Variants in TAFA2 observed in about 807,000 individuals in gnomAD.
The protein encoded by TAFA2 is TAFA chemokine like family member 2, also known as chemokine-like protein TAFA-2.
A neutral mutation model predicts 18.8 loss-of-function variants in TAFA2; 7 were observed. The ratio of observed to expected loss-of-function variants is 0.37; its 90% confidence interval spans 0.21 to 0.70. The LOEUF (loss-of-function observed/expected upper bound fraction) is 0.70, where lower values mean the gene tolerates loss of function less well. TAFA2 is among the 30% of genes least tolerant of loss of function. The pLI is 0.53. For missense variants in TAFA2, 122 were observed against 158.1 expected (o/e 0.77, Z 1.23); for synonymous variants, 60 against 54.2 (o/e 1.11, Z -0.47).
At chr12:62,178,117 T>A (rs1013384968) in intron 1 of TAFA2, among the ~76,000 whole-genome samples, 19 of 151,950 alleles carry the variant, frequency 1.3e-4, no homozygotes, top group Non-Finnish European at 2.6e-4. Context: ...CTGGGCAACA[T>A]AACAAGACCC....
At chr12:61,769,577 A>C (rs1184756746) in intron 2 of TAFA2, among the ~76,000 whole-genome samples, 1 of 151,744 alleles carries the variant, frequency 6.6e-6, no homozygotes, top group East Asian at 2.0e-4. Flanking sequence ...CTTTGAAGAC[A>C]CCCCCCAGTA....
chr12:62,164,495 T>C (rs2062426357), intron 1 of TAFA2, among the ~76,000 whole-genome samples: 1 of 152,158 alleles, frequency 6.6e-6, no homozygotes, highest in South Asian at 2.1e-4. Flanking sequence ...GGCATTTCCA[T>C]GTTTTAAATC....
chr12:61,864,421 T>TAC (rs984840834), intron 2 of TAFA2, among the ~76,000 whole-genome samples: 6 of 149,446 alleles, frequency 4.0e-5, no homozygotes, highest in Non-Finnish European at 8.9e-5. Flanking sequence ...TTTCTATATA[T>TAC]ACACACCATA....
chr12:61,938,766 T>A (rs1877877774), intron 1 of TAFA2, among the ~76,000 whole-genome samples: 2 of 152,254 alleles, frequency 1.3e-5, no homozygotes, highest in South Asian at 4.1e-4. Flanking sequence ...GCAACTTGGA[T>A]AGAGCTAGAG....
At chr12:62,186,876 G>T (rs963002209) in intron 1 of TAFA2, among the ~76,000 whole-genome samples, 1 of 152,092 alleles carries the variant, frequency 6.6e-6, no homozygotes, top group South Asian at 2.1e-4. Context: ...TTTTCCAATG[G>T]CAATACCAAT....
intron 1 of TAFA2, among the ~76,000 whole-genome samples, chr12:61,986,274 C>T (rs1879815187): frequency 6.9e-6 from 1 of 144,142 alleles, no homozygotes; most frequent in Non-Finnish European, 1.5e-5. Context: ...AAGTGATTCT[C>T]CTGCTTCAGC....
At chr12:62,033,738 T>G (rs1215017764) in intron 1 of TAFA2, among the ~76,000 whole-genome samples, 5 of 151,814 alleles carry the variant, frequency 3.3e-5, no homozygotes, top group African/African-American at 1.2e-4. Flanking sequence ...CATATATGAG[T>G]GTTCAGCCTG....
At chr12:62,105,650 G>A (rs1273543776) in intron 1 of TAFA2, among the ~76,000 whole-genome samples, 2 of 152,086 alleles carry the variant, frequency 1.3e-5, no homozygotes, top group African/African-American at 4.8e-5. Context: ...TGATACATTT[G>A]GCTGATGACG....
intron 2 of TAFA2, among the ~76,000 whole-genome samples, chr12:61,781,284 G>T (rs370295084): frequency 1.1e-4 from 17 of 151,708 alleles, no homozygotes; most frequent in African/African-American, 4.1e-4. Flanking sequence ...GAGAATGAGG[G>T]TATAGACAAA....
At chr12:61,951,831 T>A (rs1021676332) in intron 1 of TAFA2, among the ~76,000 whole-genome samples, 10 of 152,054 alleles carry the variant, frequency 6.6e-5, no homozygotes, top group Admixed American at 1.3e-4. Flanking sequence ...TGTAAACTGA[T>A]TGATCTTAAT....
At chr12:61,798,665 T>C (rs549892622) in intron 2 of TAFA2, among the ~76,000 whole-genome samples, 1 of 152,240 alleles carries the variant, frequency 6.6e-6, no homozygotes, top group South Asian at 2.1e-4. Context: ...TTCTAAGAAA[T>C]AGGACAATAA....
chr12:62,210,734 A>T (rs963818509), intron 1 of TAFA2, among the ~76,000 whole-genome samples: 6 of 152,216 alleles, frequency 3.9e-5, no homozygotes, highest in Admixed American at 3.9e-4. Flanking sequence ...AGTAGTGAAA[A>T]GGATGTACCG....
chr12:62,208,102 T>C (rs866421214), intron 1 of TAFA2, among the ~76,000 whole-genome samples: 1 of 152,080 alleles, frequency 6.6e-6, no homozygotes, highest in Non-Finnish European at 1.5e-5. Context: ...AAATCTAACC[T>C]TTTTATCTAG....
intron 1 of TAFA2, among the ~76,000 whole-genome samples, chr12:62,006,223 T>C (rs1880545441): frequency 1.3e-5 from 2 of 152,288 alleles, no homozygotes; most frequent in East Asian, 1.9e-4. Context: ...AGTTTATCAG[T>C]GGTTTGTTTT....
intron 1 of TAFA2, among the ~76,000 whole-genome samples, chr12:62,062,360 G>A (rs3852566): frequency 0.43 from 65,463 of 151,954 alleles, 14,703 homozygotes; most frequent in Middle Eastern, 0.57. Context: ...CTGATGGGGC[G>A]TAAGACTAAT....
At chr12:62,012,557 C>T (rs1732363) in intron 1 of TAFA2, among the ~76,000 whole-genome samples, 114,976 of 152,048 alleles carry the variant, frequency 0.76, 43,719 homozygotes, top group African/African-American at 0.78. Flanking sequence ...TATTGAATTT[C>T]CTCAAAGCAC....
intron 4 of TAFA2, 22 bp from the exon 5 acceptor site, chr12:61,710,439 T>G: frequency 6.4e-7 from 1 of 1,573,298 alleles, no homozygotes; most frequent in African/African-American, 1.3e-5. Flanking sequence ...GGAGAAAATA[T>G]AGTCAACATT....
At chr12:62,151,306 C>A (rs1371262969) in intron 1 of TAFA2, among the ~76,000 whole-genome samples, 2 of 152,190 alleles carry the variant, frequency 1.3e-5, no homozygotes, top group Admixed American at 1.3e-4. Flanking sequence ...GAAGGCCACC[C>A]ACAGTGACTG....
chr12:62,107,954 CT>C (rs1295584334), intron 1 of TAFA2, among the ~76,000 whole-genome samples: 1 of 151,958 alleles, frequency 6.6e-6, no homozygotes, highest in African/African-American at 2.4e-5. Context: ...CTTTTCATGG[CT>C]TTTTTACCAC....
Sources: allele counts gnomAD v4.1 joint callset (sites outside exome capture counted in the v4.1 genomes callset), GRCh38; gene constraint gnomAD v4.1.1; transcripts MANE v1.5; gene names NCBI Gene and HGNC (gene_info 2026-07-23, HGNC 2026-07-21).